COL26A1: variants seen among roughly 807,000 people sequenced by gnomAD.
The protein encoded by COL26A1 is collagen type XXVI alpha 1 chain, also known as collagen alpha-1(XXVI) chain.
COL26A1 carries 41 observed loss-of-function variants against 59.3 expected under a neutral mutation model. The observed-to-expected ratio is 0.69, with a 90% CI of 0.54 to 0.90. COL26A1 has a LOEUF of 0.90. COL26A1 is among the 40% of genes least tolerant of loss of function. The pLI is 0.00. For synonymous variants in COL26A1, 266 were observed against 256.0 expected (o/e 1.04, Z -0.37); for missense variants, 612 against 602.3 (o/e 1.02, Z -0.17).
At chr7:101,428,771 G>T (rs1436383986) in intron 2 of COL26A1, among the ~76,000 whole-genome samples, 1 of 151,912 alleles carries the variant, frequency 6.6e-6, no homozygotes, top group African/African-American at 2.4e-5. Flanking sequence ...GCCTCTCAAA[G>T]TGTGAAGATT....
chr7:101,458,734 G>A (rs60883407), intron 3 of COL26A1, among the ~76,000 whole-genome samples: 36,875 of 151,500 alleles, frequency 0.24, 5,132 homozygotes, highest in Middle Eastern at 0.32. Flanking sequence ...AGAAACAGGC[G>A]CAGAGGAAAT....
intron 3 of COL26A1, among the ~76,000 whole-genome samples, chr7:101,451,194 TATA>T (rs1182421891): frequency 1.4e-5 from 2 of 143,450 alleles, no homozygotes; most frequent in African/African-American, 2.5e-5. Context: ...CAATAATTAA[TATA>T]ATCTCAATAA....
intron 2 of COL26A1, among the ~76,000 whole-genome samples, chr7:101,445,706 T>C (rs1584413867): frequency 2.0e-5 from 2 of 102,276 alleles, no homozygotes; most frequent in African/African-American, 7.9e-5. Context: ...CACTCCAGCC[T>C]GGGCGACAGA....
intron 1 of COL26A1, among the ~76,000 whole-genome samples, chr7:101,375,059 T>TAAA (rs34296131): frequency 6.7e-6 from 1 of 150,164 alleles, no homozygotes; most frequent in African/African-American, 2.5e-5. Context: ...GACTCCATCT[T>TAAA]AAAAAAAAAT....
chr7:101,455,233 G>A (rs772397000), intron 3 of COL26A1, among the ~76,000 whole-genome samples: 4 of 151,498 alleles, frequency 2.6e-5, no homozygotes, highest in Admixed American at 6.6e-5. Flanking sequence ...TTGTAGAGAC[G>A]GGGTTTCACC....
At chr7:101,385,905 T>C (rs2117040289) in intron 1 of COL26A1, among the ~76,000 whole-genome samples, 1 of 151,862 alleles carries the variant, frequency 6.6e-6, no homozygotes, top group East Asian at 2.0e-4. Flanking sequence ...CGGATGTTAG[T>C]TAGCTAGTAG....
At chr7:101,414,232 T>A (rs1455655986) in intron 1 of COL26A1, among the ~76,000 whole-genome samples, 2 of 152,132 alleles carry the variant, frequency 1.3e-5, no homozygotes, top group African/African-American at 4.8e-5. Context: ...TGATTTGAGG[T>A]ATTTGGAAAT....
intron 1 of COL26A1, among the ~76,000 whole-genome samples, chr7:101,410,557 CAG>C (rs1792219977): frequency 6.6e-6 from 1 of 152,142 alleles, no homozygotes; most frequent in Non-Finnish European, 1.5e-5. Context: ...ATGAAAAGGT[CAG>C]AGAGAAAGGA....
chr7:101,430,829 C>T (rs1480928391), intron 2 of COL26A1, among the ~76,000 whole-genome samples: 1 of 152,046 alleles, frequency 6.6e-6, no homozygotes, highest in East Asian at 1.9e-4. Flanking sequence ...GAGTCTCGCT[C>T]TGTCACCCAG....
chr7:101,505,330 CTGTG>C (rs753410944), intron 3 of COL26A1, among the ~76,000 whole-genome samples: 7 of 151,602 alleles, frequency 4.6e-5, no homozygotes, highest in Admixed American at 2.0e-4. Flanking sequence ...TGTGGGCACT[CTGTG>C]TGTGCATGGG....
intron 10 of COL26A1, among the ~76,000 whole-genome samples, chr7:101,551,963 C>T (rs1341877932): frequency 1.3e-5 from 2 of 152,168 alleles, no homozygotes; most frequent in Non-Finnish European, 1.5e-5. Flanking sequence ...GCTTTATTAT[C>T]CCCGTTTGCC....
intron 3 of COL26A1, among the ~76,000 whole-genome samples, chr7:101,471,567 G>GTTTTTTTTTTTTTTTTTTT (rs796287195): frequency 2.7e-5 from 3 of 112,418 alleles, no homozygotes; most frequent in African/African-American, 1.1e-4. Context: ...TGTTGTTGTT[G>GTTTTTTTTTTTTTTTTTTT]TTTGTTTTTT....
At chr7:101,544,174 G>A (rs1795679559) in intron 6 of COL26A1, 78 bp downstream of exon 6, 4 of 1,110,510 alleles carry the variant, frequency 3.6e-6, no homozygotes, top group Non-Finnish European at 4.0e-6. Flanking sequence ...GAACAGGCGA[G>A]GTGTCCCACG....
At chr7:101,381,726 C>T (rs1284903110) in intron 1 of COL26A1, among the ~76,000 whole-genome samples, 1 of 152,214 alleles carries the variant, frequency 6.6e-6, no homozygotes, top group African/African-American at 2.4e-5. Flanking sequence ...AACACTGTTG[C>T]ACTGGGGATT....
chr7:101,555,725 C>G, intron 11 of COL26A1, 62 bp from the exon 12 acceptor site: 5 of 1,273,204 alleles, frequency 3.9e-6, no homozygotes, highest in Non-Finnish European at 5.6e-6. Context: ...GTCACTGTAT[C>G]AGGATGGCCC....
intron 3 of COL26A1, among the ~76,000 whole-genome samples, chr7:101,501,679 A>C (rs1794709613): frequency 6.6e-6 from 1 of 152,204 alleles, no homozygotes; most frequent in Admixed American, 6.5e-5. Context: ...CACTGGGTTC[A>C]TCCCCATGGT....
chr7:101,536,051 G>T (rs941410334), intron 4 of COL26A1, among the ~76,000 whole-genome samples: 1 of 152,152 alleles, frequency 6.6e-6, no homozygotes, highest in Non-Finnish European at 1.5e-5. Flanking sequence ...ACAAGGTCTC[G>T]TGCTATCTCA....
At chr7:101,544,180 C>T in intron 6 of COL26A1, 84 bp downstream of exon 6, 1 of 1,000,242 alleles carries the variant, frequency 1.0e-6, no homozygotes, top group Non-Finnish European at 1.5e-6. Context: ...GCGAGGTGTC[C>T]CACGCACCCA....
intron 4 of COL26A1, among the ~76,000 whole-genome samples, chr7:101,535,655 G>A (rs2130645377): frequency 1.3e-5 from 2 of 152,310 alleles, no homozygotes; most frequent in East Asian, 3.9e-4. Context: ...CTCGAGGGCT[G>A]GAGGGAGGGA....
Sources: allele counts gnomAD v4.1 joint callset (sites outside exome capture counted in the v4.1 genomes callset), GRCh38; gene constraint gnomAD v4.1.1; transcripts MANE v1.5; gene names NCBI Gene and HGNC (gene_info 2026-07-23, HGNC 2026-07-21).